GLRB: variants seen among roughly 807,000 people sequenced by gnomAD.
GLRB encodes the protein glycine receptor subunit beta.
In GLRB, 33 loss-of-function variants were observed where a neutral mutation model predicts 54.2. The observed-to-expected ratio is 0.61, with a 90% CI of 0.46 to 0.81. GLRB has a LOEUF of 0.81. Ranked by LOEUF, GLRB falls within the 40% of genes least tolerant of loss-of-function variation. The pLI, the probability that GLRB is intolerant of heterozygous loss-of-function variation, is 0.00. For missense variants in GLRB, 572 were observed against 584.6 expected (o/e 0.98, Z 0.22); for synonymous variants, 209 against 208.2 (o/e 1.00, Z -0.03).
intron 2 of GLRB, among the ~76,000 whole-genome samples, chr4:157,120,272 T>C (rs371347516): frequency 4.1e-5 from 6 of 147,924 alleles, no homozygotes; most frequent in East Asian, 4.3e-4. Context: ...TTAGGAGATA[T>C]ACCTAATGCT....
At chr4:157,114,586 ACAGGATCCCTTC>A (rs1319550077) in intron 2 of GLRB, among the ~76,000 whole-genome samples, 1 of 151,754 alleles carries the variant, frequency 6.6e-6, no homozygotes, top group Non-Finnish European at 1.5e-5. Flanking sequence ...GTTTTCTGTC[ACAGGATCCCTTC>A]CAGGATACTA....
At chr4:157,130,541 G>A (rs912780260) in intron 4 of GLRB, among the ~76,000 whole-genome samples, 2 of 151,466 alleles carry the variant, frequency 1.3e-5, no homozygotes, top group Non-Finnish European at 3.0e-5. Flanking sequence ...ATGTTTTGAA[G>A]GTTCATGCAT....
At chr4:157,118,706 A>G (rs1735694605) in intron 2 of GLRB, among the ~76,000 whole-genome samples, 1 of 151,592 alleles carries the variant, frequency 6.6e-6, no homozygotes, top group African/African-American at 2.4e-5. Flanking sequence ...TCTCACCTAC[A>G]ATGGTTGCCT....
intron 8 of GLRB, among the ~76,000 whole-genome samples, chr4:157,149,114 A>C (rs1459616153): frequency 6.6e-6 from 1 of 152,108 alleles, no homozygotes; most frequent in Non-Finnish European, 1.5e-5. Flanking sequence ...ATTCTCCCAA[A>C]GGATTAAATA....
At chr4:157,080,214 TG>T (rs1734176918) in intron 2 of GLRB, among the ~76,000 whole-genome samples, 1 of 152,212 alleles carries the variant, frequency 6.6e-6, no homozygotes, top group Non-Finnish European at 1.5e-5. Context: ...AGTTCTCTTC[TG>T]ATGAATATGA....
At chr4:157,094,759 A>C (rs1260514216) in intron 2 of GLRB, among the ~76,000 whole-genome samples, 2 of 152,178 alleles carry the variant, frequency 1.3e-5, no homozygotes, top group Non-Finnish European at 2.9e-5. Flanking sequence ...CTGTTAGTGA[A>C]AGTTCAAAAT....
chr4:157,105,133 G>T, intron 2 of GLRB, among the ~76,000 whole-genome samples: 1 of 150,390 alleles, frequency 6.6e-6, no homozygotes, highest in East Asian at 2.0e-4. Context: ...TATAAAGTTA[G>T]GCTATATATT....
At chr4:157,156,130 G>T (rs982182259) in intron 9 of GLRB, among the ~76,000 whole-genome samples, 1 of 152,124 alleles carries the variant, frequency 6.6e-6, no homozygotes, top group Admixed American at 6.6e-5. Context: ...CTCTAATTCT[G>T]TGAAAAATGA....
chr4:157,167,575 A>C (rs1012796839), intron 9 of GLRB, among the ~76,000 whole-genome samples: 1 of 152,208 alleles, frequency 6.6e-6, no homozygotes, highest in Non-Finnish European at 1.5e-5. Context: ...TAAATGGGGC[A>C]AAAATTAGAT....
intron 8 of GLRB, among the ~76,000 whole-genome samples, chr4:157,146,778 A>G (rs1414220064): frequency 6.6e-6 from 1 of 151,882 alleles, no homozygotes; most frequent in Non-Finnish European, 1.5e-5. Flanking sequence ...CTGAGATTGC[A>G]CTACTGCACT....
chr4:157,138,382 A>C (rs1406292140), intron 6 of GLRB, among the ~76,000 whole-genome samples: 2 of 152,176 alleles, frequency 1.3e-5, no homozygotes, highest in Non-Finnish European at 2.9e-5. Context: ...CCGATTTCTT[A>C]AAAGAAATTT....
Position 157,143,890 on chromosome 4 carries a change from C to T in GLRB, c.835C>T (p.Leu279Phe). Residue 279 changes from leucine (L) to phenylalanine (F), a missense_variant, in exon 8 of 10, where the codon CTC becomes TTC. Transcript: ENST00000264428. ...YMMGVYAPTL[L>F]IVVLSWLSFW... ...GATGGGGGTCTACGCCCCAACTCTG[C>T]TCATTGTTGTTCTCTCCTGGCTTTC... The T allele has an allele frequency of 1.2e-6, 2 of 1,613,974 alleles. No homozygotes were observed. The highest frequency in any genetic ancestry group is 1.1e-5 in the South Asian group (1 of 91,072).
chr4:157,150,032 A>G (rs1461854429), intron 8 of GLRB, among the ~76,000 whole-genome samples: 2 of 152,068 alleles, frequency 1.3e-5, no homozygotes, highest in African/African-American at 4.8e-5. Context: ...GTTACTGTAT[A>G]TATCTTGAAA....
At position 157,112,166 on chromosome 4, in the gene GLRB, C is replaced by A. The variant is rs1735443256; in HGVS notation, c.123-8390C>A. 2.0e-5 allele frequency among the ~76,000 whole-genome samples: 3 copies of A among 151,874 alleles called. No individual in the cohort carries two copies. In the South Asian group the frequency reaches 6.2e-4, roughly 32 times the overall value. On this transcript the variant is annotated intron_variant, in intron 2 of 9. Coordinates refer to ENST00000264428, the MANE Select transcript of GLRB (RefSeq NM_000824.5). ...GAAGAGCTTTTTAAAAACCCTGATG[C>A]CCGGGCCACATCCAAAACTAATTAA...
At chr4:157,106,509 A>G (rs1735229496) in intron 2 of GLRB, among the ~76,000 whole-genome samples, 1 of 152,108 alleles carries the variant, frequency 6.6e-6, no homozygotes, top group Non-Finnish European at 1.5e-5. Flanking sequence ...TCTGCCTTCT[A>G]TGTGGGTGAA....
chr4:157,089,501 A>C (rs1233566280), intron 2 of GLRB, among the ~76,000 whole-genome samples: 2 of 152,288 alleles, frequency 1.3e-5, no homozygotes, highest in Admixed American at 6.5e-5. Flanking sequence ...AGGGCTAGCT[A>C]TCTTCTGTAA....
At chr4:157,160,443 C>G (rs1737434995) in intron 9 of GLRB, among the ~76,000 whole-genome samples, 1 of 151,942 alleles carries the variant, frequency 6.6e-6, no homozygotes, top group Admixed American at 6.6e-5. Context: ...AATTTTAGGT[C>G]TTCCTGCTTT....
intron 2 of GLRB, among the ~76,000 whole-genome samples, chr4:157,081,200 C>T (rs988442541): frequency 6.6e-6 from 1 of 152,042 alleles, no homozygotes; most frequent in Non-Finnish European, 1.5e-5. Flanking sequence ...TAGGTAAGTC[C>T]TTGGACAGTT....
At chr4:157,085,191 C>CT (rs1166987852) in intron 2 of GLRB, among the ~76,000 whole-genome samples, 2 of 152,122 alleles carry the variant, frequency 1.3e-5, no homozygotes, top group Non-Finnish European at 2.9e-5. Flanking sequence ...AAATGATCTC[C>CT]TATATCTGCC....
Sources: allele counts gnomAD v4.1 joint callset (sites outside exome capture counted in the v4.1 genomes callset), GRCh38; gene constraint gnomAD v4.1.1; transcripts MANE v1.5; gene names NCBI Gene and HGNC (gene_info 2026-07-23, HGNC 2026-07-21).